ELF3: variants seen among roughly 807,000 people sequenced by gnomAD.
ELF3 encodes E74 like ETS transcription factor 3.
In ELF3, 18 loss-of-function variants were observed where a neutral mutation model predicts 43.9. The observed-to-expected ratio is 0.41, with a 90% CI of 0.28 to 0.61. ELF3 has a LOEUF of 0.61. Ranked by LOEUF, ELF3 falls within the 20% of genes least tolerant of loss-of-function variation. The pLI is 0.30. For synonymous variants in ELF3, 181 were observed against 190.2 expected (o/e 0.95, Z 0.40); for missense variants, 373 against 487.7 (o/e 0.76, Z 2.21).
At position 202,012,052 on chromosome 1, in the gene ELF3, G is replaced by A. The variant is rs148003991; in HGVS notation, c.259G>A (p.Ala87Thr). ...SYQVEKNKYD[A>T]SAIDFSRCDM... ...CCAAGTGGAGAAGAACAAGTACGAC[G>A]CAAGCGCCATTGACTTCTCACGATG... is the stretch of plus-strand genomic sequence containing the variant. The change falls in exon 3 of 9, where the codon GCA (alanine) becomes ACA (threonine). Residue 87 changes from alanine to threonine, a missense_variant. Ala to Thr is a moderately conservative substitution (Grantham distance 58, BLOSUM62 0). Around this residue, in one of 3 missense-constraint regions of ELF3, gnomAD observed 311 missense variants for 351.2 expected, o/e 0.89. Transcript: ENST00000367284. The surrounding 1 kb of genome is among the most constrained non-coding windows in gnomAD (Gnocchi z 4.2). The A allele has an allele frequency of 1.2e-4, 186 of 1,614,206 alleles. No individual in the cohort carries two copies. In the African/African-American group the frequency reaches 2.0e-3, roughly 17 times the overall value.
At chr1:202,011,894 AT>A in intron 2 of ELF3, 62 bp from the exon 3 acceptor site, 2 of 1,475,972 alleles carry the variant, frequency 1.4e-6, no homozygotes, top group Non-Finnish European at 1.8e-6. Flanking sequence ...AAAAAAAAAA[AT>A]GGGGCTGTAA....
chr1:202,015,632 T>G lies in ELF3; in HGVS notation c.*309T>G, dbSNP rs1459132071. On this transcript the variant is annotated 3_prime_UTR_variant, in exon 9 of 9. Coordinates refer to ENST00000367284, the MANE Select transcript of ELF3 (RefSeq NM_004433.5). ...CAGACACTAAATGCAGACAACACCT[T>G]CCTCCTGCAGACACCTGGACTGAGC... is the stretch of plus-strand genomic sequence containing the variant. 1 of 354,532 alleles carries G rather than the reference T, an allele frequency of 2.8e-6. No individual in the cohort carries two copies. Among genetic ancestry groups the G allele is most frequent in the Admixed American group, 3.8e-5 (1 of 26,576 alleles). 22.0% of individuals were successfully genotyped at this position (354,532 alleles called of 1,614,324 possible).
chr1:202,012,839 G>T lies in ELF3; in HGVS notation c.598+80G>T. 4 of 1,538,406 alleles carry T rather than the reference G, an allele frequency of 2.6e-6. No individual in the cohort carries two copies. The highest frequency in any genetic ancestry group is 1.3e-5 in the South Asian group (1 of 78,430). Reference sequence around the variant, plus strand: ...TCTGGCTCCCAGCACCATAACTCAGGCCTTCTGGCAGGAACAGGAACAGGC... The same window carrying T: ...TCTGGCTCCCAGCACCATAACTCAGTCCTTCTGGCAGGAACAGGAACAGGC... On this transcript the variant is annotated intron_variant, in intron 5 of 8. Coordinates refer to ENST00000367284, the MANE Select transcript of ELF3 (RefSeq NM_004433.5). This position sits in a 1 kb window ranked among gnomAD's most constrained non-coding sequence, Gnocchi z 4.2.
In ELF3 at chr1:202,012,589, T is replaced by C. The variant is rs758252964; in HGVS notation, c.479-51T>C. The C allele has an allele frequency of 6.4e-7, 1 of 1,557,746 alleles. No homozygotes were observed. The highest frequency in any genetic ancestry group is 8.7e-7 in the Non-Finnish European group (1 of 1,151,954). ...TCAGACCCATGGGCAGCATCACCTGTCCTGGTCTGGTCCCCTGAGCCCTCT... is the reference window on the plus strand; with the variant it reads ...TCAGACCCATGGGCAGCATCACCTGCCCTGGTCTGGTCCCCTGAGCCCTCT... On this transcript the variant is annotated intron_variant, in intron 4 of 8. Coordinates refer to ENST00000367284, the MANE Select transcript of ELF3 (RefSeq NM_004433.5). This position sits in a 1 kb window ranked among gnomAD's most constrained non-coding sequence, Gnocchi z 4.2.
chr1:202,015,599 C>T lies in ELF3; in HGVS notation c.*276C>T. 4.7e-6 allele frequency: 2 copies of T among 427,956 alleles called. No individual in the cohort carries two copies. The highest frequency in any genetic ancestry group is 9.2e-5 in the East Asian group (2 of 21,820). 26.5% of individuals were successfully genotyped at this position (427,956 alleles called of 1,614,324 possible). On this transcript the variant is annotated 3_prime_UTR_variant, in exon 9 of 9. Coordinates refer to ENST00000367284, the MANE Select transcript of ELF3 (RefSeq NM_004433.5). ...TCCTTTTATCTGGTGCCTCCTCAAA[C>T]CCAGTCTCAGACACTAAATGCAGAC... is the stretch of plus-strand genomic sequence containing the variant.
At position 202,013,155 on chromosome 1, in the gene ELF3, C is replaced by G. The variant is rs746870696; in HGVS notation, c.689-27C>G. On this transcript the variant is annotated intron_variant, in intron 6 of 8. Transcript: ENST00000367284. The surrounding 1 kb of genome is among the most constrained non-coding windows in gnomAD (Gnocchi z 5.7). ...CTCCCTAACTCCCCTCTTGCCCCTCCTTGACCTTCCACCACCGTCCCCACA... is the reference window on the plus strand; with the variant it reads ...CTCCCTAACTCCCCTCTTGCCCCTCGTTGACCTTCCACCACCGTCCCCACA... 6.8e-6 allele frequency: 11 copies of G among 1,612,612 alleles called. No individual in the cohort carries two copies. Among genetic ancestry groups the G allele is most frequent in the Non-Finnish European group, 9.3e-6 (11 of 1,179,168 alleles).
In ELF3 at chr1:202,015,321, T is replaced by C. The variant is rs745830330; in HGVS notation, c.1114T>C (p.Ter372ArgextTer43). 15 of 1,613,914 alleles carry C rather than the reference T, an allele frequency of 9.3e-6. No individual in the cohort carries two copies. In the African/African-American group the frequency reaches 1.7e-4, roughly 19 times the overall value. Reference protein sequence around the residue: ...KEEEVLQSRN* With the variant: ...KEEEVLQSRNR ...GGAAGAGGTTCTCCAGAGTCGGAAC[T>C]GAGGGTTGGAACTATACCCGGGACC... is the stretch of plus-strand genomic sequence containing the variant. Residue 372 changes from the stop codon to arginine, a stop_lost, in exon 9 of 9, where the codon TGA becomes CGA. Transcript: ENST00000367284.
At position 202,015,284 on chromosome 1, in the gene ELF3, C is replaced by T. The variant is rs142466003; in HGVS notation, c.1077C>T (p.Ser359=). 119 of 1,614,072 alleles carry T rather than the reference C, an allele frequency of 7.4e-5. No homozygotes were observed. In the South Asian group the frequency reaches 9.7e-4, roughly 13 times the overall value. The change falls in exon 9 of 9, where the codon AGC becomes AGT. Residue 359 remains serine (S), a synonymous_variant. Transcript: ENST00000367284. ...RLVYKFGKNS[S]GWKEEEVLQS... is the part of the protein sequence containing the mutation. ...TCTACAAGTTTGGCAAAAACTCAAG[C>T]GGCTGGAAGGAGGAAGAGGTTCTCC...
Position 202,015,321 on chromosome 1 carries a change from T to A in ELF3, c.1114T>A (p.Ter372ArgextTer43), listed in dbSNP as rs745830330. ...KEEEVLQSRN[*>R] ...GGAAGAGGTTCTCCAGAGTCGGAAC[T>A]GAGGGTTGGAACTATACCCGGGACC... is the stretch of plus-strand genomic sequence containing the variant. The change falls in exon 9 of 9, where the codon TGA becomes AGA. Residue 372 changes from the stop codon to arginine (R), a stop_lost. Coordinates refer to ENST00000367284, the MANE Select transcript of ELF3 (RefSeq NM_004433.5). 6.2e-7 allele frequency: 1 copy of A among 1,614,032 alleles called. No individual in the cohort carries two copies. The highest frequency in any genetic ancestry group is 1.1e-5 in the South Asian group (1 of 91,084).
chr1:202,013,268 G>C lies in ELF3; in HGVS notation c.775G>C (p.Asp259His). 6.2e-7 allele frequency: 1 copy of C among 1,614,170 alleles called. No homozygotes were observed. Among genetic ancestry groups the C allele is most frequent in the Non-Finnish European group, 8.5e-7 (1 of 1,180,028 alleles). ...RPRKLSKEYW[D>H]CLEGKKSKHA... The stretch of plus-strand genomic sequence containing the variant: ...CCGAAAGCTGAGCAAAGAGTACTGG[G>C]ACTGTCTCGAGGGCAAGAAGAGCAA... Residue 259 changes from aspartate (D) to histidine (H), a missense_variant, in exon 7 of 9, where the codon GAC becomes CAC. By Grantham distance (81) the Asp-to-His change is moderately conservative. Around this residue, in one of 3 missense-constraint regions of ELF3, gnomAD observed 311 missense variants for 351.2 expected, o/e 0.89. Transcript: ENST00000367284. The surrounding 1 kb of genome is among the most constrained non-coding windows in gnomAD (Gnocchi z 5.7).
Position 202,016,520 on chromosome 1 carries a change from GAA to G in ELF3, c.*1211_*1212del, listed in dbSNP as rs11303270. On this transcript the variant is annotated 3_prime_UTR_variant, in exon 9 of 9. Coordinates refer to ENST00000367284, the MANE Select transcript of ELF3 (RefSeq NM_004433.5). ...AAATCAGAGTTAGGATCTTGTAAAG[GAA>G]AAAAAAAAAAAAACAAAACAAAATG... 370 of 133,632 alleles carry G rather than the reference GAA, an allele frequency of 2.8e-3. No homozygotes were observed. Among genetic ancestry groups the G allele is most frequent in the Middle Eastern group, 0.016 (4 of 254 alleles). The allele number at this position is 133,632 out of a possible 1,614,324, so 8.3% of individuals were successfully genotyped here.
At chr1:202,014,868 A>C (rs1185502376) in intron 8 of ELF3, 1 of 227,962 alleles carries the variant, frequency 4.4e-6, no homozygotes, top group African/African-American at 2.2e-5. Context: ...TCAGCCTCCC[A>C]AAGTGCTGGA....
rs756622086 is a variant in ELF3, at chr1:202,015,363, C to T, written c.*40C>T. ...CCCGGGACCAAACTCACGGACCACT[C>T]GAGGCCTGCAAACCTTCCTGGGAGG... On this transcript the variant is annotated 3_prime_UTR_variant, in exon 9 of 9. Coordinates refer to ENST00000367284, the MANE Select transcript of ELF3 (RefSeq NM_004433.5). The T allele has an allele frequency of 6.1e-5, 97 of 1,602,240 alleles. No homozygotes were observed. Among genetic ancestry groups the T allele is most frequent in the African/African-American group, 2.9e-4 (22 of 74,714 alleles).
chr1:202,013,009 C>G lies in ELF3; in HGVS notation c.661C>G (p.Pro221Ala). 6.2e-7 allele frequency: 1 copy of G among 1,613,842 alleles called. No homozygotes were observed. Among genetic ancestry groups the G allele is most frequent in the Non-Finnish European group, 8.5e-7 (1 of 1,179,858 alleles). ...CGGTGGAAGTGACGTGGACCTGGAT[C>G]CCACTGATGGCAAGCTCTTCCCCAG... is the stretch of plus-strand genomic sequence containing the variant. ...DSGGSDVDLD[P>A]TDGKLFPSDG... The change falls in exon 6 of 9, where the codon CCC becomes GCC. Residue 221 changes from proline (P) to alanine (A), a missense_variant. Around this residue, in one of 3 missense-constraint regions of ELF3, gnomAD observed 311 missense variants for 351.2 expected, o/e 0.89. Coordinates refer to ENST00000367284, the MANE Select transcript of ELF3 (RefSeq NM_004433.5). This position sits in a 1 kb window ranked among gnomAD's most constrained non-coding sequence, Gnocchi z 5.7.
intron 8 of ELF3, chr1:202,014,954 A>G: frequency 2.3e-6 from 1 of 434,456 alleles, no homozygotes; most frequent in Non-Finnish European, 4.3e-6. Context: ...CCCCAGTCAC[A>G]GCCATAGGAT....
In ELF3 at chr1:202,014,016, G is replaced by C. The variant is rs373898432; in HGVS notation, c.993G>C (p.Arg331=). 5.6e-6 allele frequency: 9 copies of C among 1,608,176 alleles called. 1 individual carries two copies. Among genetic ancestry groups the C allele is most frequent in the African/African-American group, 1.3e-5 (1 of 74,920 alleles). Residue 331 remains arginine (R), a synonymous_variant, in exon 8 of 9, where the codon CGG becomes CGC. Transcript: ENST00000367284. Reference sequence around the variant, plus strand: ...ACATGACCTACGAGAAGCTGAGCCGGGCCATGAGGTGAGCTGGCGGCCAGG... The same window carrying C: ...ACATGACCTACGAGAAGCTGAGCCGCGCCATGAGGTGAGCTGGCGGCCAGG... ...NSNMTYEKLS[R]AMRYYYKREI... is the part of the protein sequence containing the mutation.
In ELF3 at chr1:202,012,217, ATGT is replaced by A. The variant is rs148049760; in HGVS notation, c.385+42_385+44del. 4.4e-3 allele frequency: 7,109 copies of A among 1,608,944 alleles called. 180 individuals are homozygous for A. In the East Asian group the frequency reaches 0.066, roughly 15 times the overall value. On this transcript the variant is annotated intron_variant, in intron 3 of 8. Transcript: ENST00000367284. This position sits in a 1 kb window ranked among gnomAD's most constrained non-coding sequence, Gnocchi z 4.2. ...CCTGGAGGCTGGGGAGCAGCTCCAC[ATGT>A]TGAGCTGAGTCGAGTTCAGTGTGGC... is the stretch of plus-strand genomic sequence containing the variant.
Position 202,015,973 on chromosome 1 carries a change from C to A in ELF3, c.*650C>A, listed in dbSNP as rs1684301810. On this transcript the variant is annotated 3_prime_UTR_variant, in exon 9 of 9. Coordinates refer to ENST00000367284, the MANE Select transcript of ELF3 (RefSeq NM_004433.5). ...TTTCTCCTGTGAATGGAGGCAGAGACCTCCAATAAAGTGCCTTCTGGGCTT... is the reference window on the plus strand; with the variant it reads ...TTTCTCCTGTGAATGGAGGCAGAGAACTCCAATAAAGTGCCTTCTGGGCTT... 1 of 152,298 alleles carries A rather than the reference C, an allele frequency of 6.6e-6. No homozygotes were observed. The highest frequency in any genetic ancestry group is 2.4e-5 in the African/African-American group (1 of 41,436). The allele number at this position is 152,298 out of a possible 1,614,324, so 9.4% of individuals were successfully genotyped here.
In ELF3 at chr1:202,012,107, G is replaced by T. The variant is rs1481604346; in HGVS notation, c.314G>T (p.Cys105Phe). The T allele has an allele frequency of 7.4e-6, 12 of 1,614,018 alleles. No individual in the cohort carries two copies. The highest frequency in any genetic ancestry group is 5.1e-6 in the Non-Finnish European group (6 of 1,180,040). The change falls in exon 3 of 9, where the codon TGT (cysteine) becomes TTT (phenylalanine). Residue 105 changes from cysteine (C) to phenylalanine (F), a missense_variant. Cys to Phe is a radical substitution (Grantham distance 205). Coordinates refer to ENST00000367284, the MANE Select transcript of ELF3 (RefSeq NM_004433.5). The surrounding 1 kb of genome is among the most constrained non-coding windows in gnomAD (Gnocchi z 4.2). ...ATGGATGGCGCCACCCTCTGCAATTGTGCCCTTGAGGAGCTGCGTCTGGTC... is the reference window on the plus strand; with the variant it reads ...ATGGATGGCGCCACCCTCTGCAATTTTGCCCTTGAGGAGCTGCGTCTGGTC... ...CDMDGATLCN[C>F]ALEELRLVFG... is the part of the protein sequence containing the mutation.
Sources: gnomAD v4.1 joint callset for allele counts on GRCh38, gnomAD v4.1.1 for gene constraint, gnomAD v4.1.1 regional missense constraint, Gnocchi (gnomAD v3.1) non-coding constraint, MANE v1.5 for transcripts, NCBI Gene and HGNC (gene_info 2026-07-23, HGNC 2026-07-21) for gene names.